Variants in STAT1 observed in about 807,000 individuals in gnomAD.
STAT1 encodes the protein signal transducer and activator of transcription 1-alpha/beta.
STAT1 carries 24 observed loss-of-function variants against 111.7 expected under a neutral mutation model. The observed-to-expected ratio is 0.21, with a 90% CI of 0.16 to 0.30. The LOEUF is 0.30. STAT1 is among the 10% of genes least tolerant of loss of function. STAT1 has a pLI of 1.00. For missense variants in STAT1, 351 were observed against 911.9 expected (o/e 0.38, Z 7.92); for synonymous variants, 332 against 326.5 (o/e 1.02, Z -0.18).
chr2:191,009,145 T>C (rs1050891598), intron 3 of STAT1, 38 bp from the exon 4 acceptor site: 1 of 1,609,258 alleles, frequency 6.2e-7, no homozygotes, highest in Non-Finnish European at 8.5e-7. Flanking sequence ...ATTCTAGAAC[T>C]AAATGTCTAT....
At chr2:191,008,019 C>T in intron 4 of STAT1, 1 of 460,852 alleles carries the variant, frequency 2.2e-6, no homozygotes, top group Non-Finnish European at 4.3e-6. Flanking sequence ...ACATGACATT[C>T]CTCAATGAAT....
chr2:191,005,172 C>A (rs1009209696), intron 5 of STAT1, among the ~76,000 whole-genome samples: 1 of 152,188 alleles, frequency 6.6e-6, no homozygotes, highest in East Asian at 1.9e-4. Flanking sequence ...CTTGTTGAAT[C>A]TGTTGAATCC....
In STAT1 at chr2:190,970,999, AAGTCTGGGGAC is replaced by A. The variant is rs1463652057; in HGVS notation, c.2239-293_2239-283del. Among the ~76,000 whole-genome samples the A allele has an allele frequency of 1.3e-5, 2 of 152,230 alleles. No homozygotes were observed. Among genetic ancestry groups the A allele is most frequent in the Non-Finnish European group, 2.9e-5 (2 of 68,046 alleles). On this transcript the variant is annotated intron_variant, in intron 24 of 24. Transcript: ENST00000361099. This position sits in a 1 kb window ranked among gnomAD's most constrained non-coding sequence, Gnocchi z 5.4. ...TGCATAAAGCTTTTTGCTGTTATGCAAGTCTGGGGACAGAGCAACGTGTCAAATCTGCTCAT... is the reference window on the plus strand; with the variant it reads ...TGCATAAAGCTTTTTGCTGTTATGCAAGAGCAACGTGTCAAATCTGCTCAT...
chr2:191,001,056 T>G lies in STAT1; in HGVS notation c.462+18A>C. On this transcript the variant is annotated intron_variant, in intron 6 of 24. Coordinates refer to ENST00000361099, the MANE Select transcript of STAT1 (RefSeq NM_007315.4). ...CAGAAAGTTTCAGAATAAATGCATG[T>G]GTTTACTCAATACTCACCATAACCT... is the stretch of plus-strand genomic sequence containing the variant. The G allele has an allele frequency of 6.3e-7, 1 of 1,584,462 alleles. No homozygotes were observed. Among genetic ancestry groups the G allele is most frequent in the Non-Finnish European group, 8.7e-7 (1 of 1,152,954 alleles).
Position 190,978,203 on chromosome 2 carries a change from ACT to A in STAT1, c.1873+651_1873+652del, listed in dbSNP as rs1440686575. 6.6e-6 allele frequency among the ~76,000 whole-genome samples: 1 copy of A among 152,050 alleles called. No homozygotes were observed. The highest frequency in any genetic ancestry group is 1.5e-5 in the Non-Finnish European group (1 of 68,014). On this transcript the variant is annotated intron_variant, in intron 21 of 24. Coordinates refer to ENST00000361099, the MANE Select transcript of STAT1 (RefSeq NM_007315.4). This position sits in a 1 kb window ranked among gnomAD's most constrained non-coding sequence, Gnocchi z 6.1. ...TCCTCCTGCCCTTCAAACAGACCAA[ACT>A]CTAAACAACAGTGAAAAGTAATCAG... is the stretch of plus-strand genomic sequence containing the variant.
chr2:190,982,559 A>T lies in STAT1; in HGVS notation c.1447-41T>A. ...CCAAAATCTAAGGGTTACTACAGAG[A>T]CACCAGTCACAAGTGTGGCACTAAA... On this transcript the variant is annotated intron_variant, in intron 17 of 24. Transcript: ENST00000361099. This position sits in a 1 kb window ranked among gnomAD's most constrained non-coding sequence, Gnocchi z 7.3. The T allele has an allele frequency of 6.2e-7, 1 of 1,610,568 alleles. No homozygotes were observed. Among genetic ancestry groups the T allele is most frequent in the Non-Finnish European group, 8.5e-7 (1 of 1,176,822 alleles).
Position 190,990,358 on chromosome 2 carries a change from G to A in STAT1, c.1038-684C>T, listed in dbSNP as rs538780924. Among the ~76,000 whole-genome samples the A allele has an allele frequency of 9.8e-5, 15 of 152,286 alleles. No homozygotes were observed. The highest frequency in any genetic ancestry group is 1.9e-4 in the Non-Finnish European group (13 of 68,028). ...TACCAGCCAGGGAGGGTTAACCACA[G>A]ACTTAAATCAGCAACACCCCAGAAA... On this transcript the variant is annotated intron_variant, in intron 11 of 24. Transcript: ENST00000361099. This position sits in a 1 kb window ranked among gnomAD's most constrained non-coding sequence, Gnocchi z 5.1.
intron 5 of STAT1, among the ~76,000 whole-genome samples, chr2:191,001,748 T>C (rs753281290): frequency 6.6e-5 from 10 of 152,172 alleles, no homozygotes; most frequent in Non-Finnish European, 1.5e-4. Context: ...GAGTATTCAG[T>C]CCTATTTTTG....
rs1693132158 is a variant in STAT1 at position 190,989,347 on chromosome 2, TCCC to T, written c.1097+265_1097+267del. 6.6e-6 allele frequency among the ~76,000 whole-genome samples: 1 copy of T among 152,206 alleles called. No individual in the cohort carries two copies. Among genetic ancestry groups the T allele is most frequent in the Non-Finnish European group, 1.5e-5 (1 of 68,030 alleles). On this transcript the variant is annotated intron_variant, in intron 12 of 24. Transcript: ENST00000361099. The surrounding 1 kb of genome is among the most constrained non-coding windows in gnomAD (Gnocchi z 5.0). ...TGTTGATACCAGCTCCAGGGGAAGC[TCCC>T]AACATCCACCAAGGGAGCTGCTGAT... is the stretch of plus-strand genomic sequence containing the variant.
In STAT1 at chr2:190,979,735, A is replaced by C; in HGVS notation, c.1727+37T>G. On this transcript the variant is annotated intron_variant, in intron 20 of 24. Coordinates refer to ENST00000361099, the MANE Select transcript of STAT1 (RefSeq NM_007315.4). This position sits in a 1 kb window ranked among gnomAD's most constrained non-coding sequence, Gnocchi z 5.8. ...CCTTGTCTCAACCTCGCAGCACTAA[A>C]AATATGTTTCAAAATACATCTATCG... 1 of 1,537,734 alleles carries C rather than the reference A, an allele frequency of 6.5e-7. No homozygotes were observed. The highest frequency in any genetic ancestry group is 9.0e-7 in the Non-Finnish European group (1 of 1,110,344).
At position 190,979,914 on chromosome 2, in the gene STAT1, G is replaced by T; in HGVS notation, c.1633-48C>A. 1 of 1,274,888 alleles carries T rather than the reference G, an allele frequency of 7.8e-7. No homozygotes were observed. The highest frequency in any genetic ancestry group is 1.2e-5 in the South Asian group (1 of 82,976). 79.0% of individuals were successfully genotyped at this position (1,274,888 alleles called of 1,614,324 possible). Reference sequence around the variant, plus strand: ...ATTATGAACAAAAATCTAAAACAATGACTTACCATGGCCCCTCCCACCATC... The same window carrying T: ...ATTATGAACAAAAATCTAAAACAATTACTTACCATGGCCCCTCCCACCATC... On this transcript the variant is annotated intron_variant, in intron 19 of 24. Transcript: ENST00000361099. This position sits in a 1 kb window ranked among gnomAD's most constrained non-coding sequence, Gnocchi z 5.8.
At chr2:191,011,419 G>C (rs1046249959) in intron 2 of STAT1, among the ~76,000 whole-genome samples, 12 of 152,182 alleles carry the variant, frequency 7.9e-5, no homozygotes, top group African/African-American at 2.7e-4. Flanking sequence ...AACAAGGTGT[G>C]TGTGTGTGTG....
rs1483515554 is a variant in STAT1, at chr2:190,973,650, A to C, written c.2238+1180T>G. Among the ~76,000 whole-genome samples, 1 of 152,194 alleles carries C rather than the reference A, an allele frequency of 6.6e-6. No individual in the cohort carries two copies. The highest frequency in any genetic ancestry group is 2.4e-5 in the African/African-American group (1 of 41,452). On this transcript the variant is annotated intron_variant, in intron 24 of 24. Transcript: ENST00000361099. The surrounding 1 kb of genome is among the most constrained non-coding windows in gnomAD (Gnocchi z 4.4). ...CAGGCCTATAGCAGTGTTGGGAGCG[A>C]AACTCTAGCAGGATCCTTCTTACAT...
At chr2:190,988,596 TCTCAAA>T (rs1352847661) in intron 12 of STAT1, among the ~76,000 whole-genome samples, 1 of 152,098 alleles carries the variant, frequency 6.6e-6, no homozygotes, top group East Asian at 1.9e-4. Context: ...GCCAGGCCGG[TCTCAAA>T]CTCTGGCTTC....
rs1463963579 is a variant in STAT1, at chr2:190,971,140, CTG to C, written c.2239-425_2239-424del. 6.6e-6 allele frequency among the ~76,000 whole-genome samples: 1 copy of C among 152,190 alleles called. No individual in the cohort carries two copies. The highest frequency in any genetic ancestry group is 1.5e-5 in the Non-Finnish European group (1 of 68,040). ...GCCACTCAGTGGGTAAAATCAATGACTGTGTTTCAGGTACAGACTAAAGAAGC... is the reference window on the plus strand; with the variant it reads ...GCCACTCAGTGGGTAAAATCAATGACTGTTTCAGGTACAGACTAAAGAAGC... On this transcript the variant is annotated intron_variant, in intron 24 of 24. Coordinates refer to ENST00000361099, the MANE Select transcript of STAT1 (RefSeq NM_007315.4). This position sits in a 1 kb window ranked among gnomAD's most constrained non-coding sequence, Gnocchi z 4.1.
rs1691717894 is a variant in STAT1 at position 190,974,181 on chromosome 2, G to A, written c.2238+649C>T. On this transcript the variant is annotated intron_variant, in intron 24 of 24. Transcript: ENST00000361099. The surrounding 1 kb of genome is among the most constrained non-coding windows in gnomAD (Gnocchi z 4.8). ...AAGAGGAAGGATTTTAGGCTGAAAG[G>A]CAAACAATACTAGTTGATATACTAA... is the stretch of plus-strand genomic sequence containing the variant. Among the ~76,000 whole-genome samples the A allele has an allele frequency of 6.8e-6, 1 of 147,214 alleles. No individual in the cohort carries two copies.
chr2:191,002,158 A>G (rs1395951645), intron 5 of STAT1, among the ~76,000 whole-genome samples: 1 of 152,124 alleles, frequency 6.6e-6, no homozygotes. Context: ...TTTAACTTTT[A>G]GATCGCTGAT....
rs1301647774 is a variant in STAT1, at chr2:190,993,556, C to T, written c.944+1505G>A. The T allele has an allele frequency of 3.1e-5, 20 of 637,226 alleles. No homozygotes were observed. The highest frequency in any genetic ancestry group is 5.5e-5 in the African/African-American group (3 of 54,846). 39.5% of individuals were successfully genotyped at this position (637,226 alleles called of 1,614,324 possible). The stretch of plus-strand genomic sequence containing the variant: ...TTGAATAAATAATCAATTTGGGATT[C>T]ATGCTGGACATGTCACTGTAGCTGC... On this transcript the variant is annotated intron_variant, in intron 10 of 24. Coordinates refer to ENST00000361099, the MANE Select transcript of STAT1 (RefSeq NM_007315.4). The surrounding 1 kb of genome is among the most constrained non-coding windows in gnomAD (Gnocchi z 4.1).
chr2:190,994,678 T>C (rs1333594641), intron 10 of STAT1, among the ~76,000 whole-genome samples: 1 of 151,908 alleles, frequency 6.6e-6, no homozygotes, highest in Non-Finnish European at 1.5e-5. Context: ...CCCAGCACTT[T>C]GGGAGGCCGA....
Sources: allele counts gnomAD v4.1 joint callset (sites outside exome capture counted in the v4.1 genomes callset), GRCh38; gene constraint gnomAD v4.1.1; non-coding constraint Gnocchi (gnomAD v3.1); transcripts MANE v1.5; gene names NCBI Gene and HGNC (gene_info 2026-07-23, HGNC 2026-07-21).